Variants in FCHSD2 observed in about 807,000 individuals in gnomAD.
The protein encoded by FCHSD2 is F-BAR and double SH3 domains protein 2.
A neutral mutation model predicts 108.1 loss-of-function variants in FCHSD2; 38 were observed. The ratio of observed to expected loss-of-function variants is 0.35; its 90% CI spans 0.27 to 0.46. The LOEUF (loss-of-function observed/expected upper bound fraction) is 0.46. Ranked by LOEUF, FCHSD2 falls within the 20% of genes least tolerant of loss-of-function variation. The pLI is 1.00. For synonymous variants in FCHSD2, 279 were observed against 314.7 expected, an observed-to-expected ratio of 0.89 and a Z score of 1.20; for missense variants, 751 against 897.8, an observed-to-expected ratio of 0.84 and a Z score of 2.09.
In FCHSD2 at chr11:72,887,582, A is replaced by G; in HGVS notation, c.1042-8T>C. ...CTCCAGATCATTTAGAACCTATTAA[A>G]GAAAATGGGACAATAATGATGACTG... is the stretch of plus-strand genomic sequence containing the variant. On this transcript the variant is annotated splice_polypyrimidine_tract_variant and splice_region_variant and intron_variant, in intron 11 of 19. Coordinates refer to ENST00000409418, the MANE Select transcript of FCHSD2 (RefSeq NM_014824.3). The G allele has an allele frequency of 6.7e-7, 1 of 1,495,854 alleles. No homozygotes were observed. Among genetic ancestry groups the G allele is most frequent in the Non-Finnish European group, 9.0e-7 (1 of 1,111,130 alleles). 92.7% of individuals were successfully genotyped at this position (1,495,854 alleles called of 1,614,324 possible). A position where few individuals can be genotyped will look rare whatever the true frequency, so the allele number is the denominator to read the frequency against.
chr11:72,912,310 T>A (rs1026056489), intron 9 of FCHSD2, among the ~76,000 whole-genome samples: 1 of 152,224 alleles, frequency 6.6e-6, no homozygotes, highest in Non-Finnish European at 1.5e-5. Flanking sequence ...TGTATTGAGA[T>A]ATGTTCCCTC....
intron 6 of FCHSD2, among the ~76,000 whole-genome samples, chr11:72,986,334 C>T (rs1318918670): frequency 2.0e-5 from 3 of 152,074 alleles, no homozygotes; most frequent in Non-Finnish European, 2.9e-5. Context: ...CTCAGCCTCC[C>T]GAGTAGCTGG....
intron 3 of FCHSD2, among the ~76,000 whole-genome samples, chr11:73,071,535 C>CAAA (rs1038388058): frequency 1.5e-4 from 19 of 130,866 alleles, no homozygotes; most frequent in Admixed American, 3.1e-4. Flanking sequence ...ACTAAAAATA[C>CAAA]AAAAAAAAAA....
At chr11:73,114,235 C>T (rs1343315044) in intron 2 of FCHSD2, among the ~76,000 whole-genome samples, 1 of 152,056 alleles carries the variant, frequency 6.6e-6, no homozygotes. Flanking sequence ...ACAGAGGGTA[C>T]TGCAAGGCTA....
intron 2 of FCHSD2, among the ~76,000 whole-genome samples, chr11:73,094,459 C>T (rs930548427): frequency 6.6e-6 from 1 of 152,124 alleles, no homozygotes; most frequent in Admixed American, 6.5e-5. Context: ...AACACTTTTA[C>T]AAAAATATTT....
chr11:72,967,960 G>A (rs1354372592), intron 8 of FCHSD2, among the ~76,000 whole-genome samples: 4 of 151,780 alleles, frequency 2.6e-5, no homozygotes, highest in Non-Finnish European at 5.9e-5. Context: ...GTATGGTGGC[G>A]GGCACCTGTA....
intron 3 of FCHSD2, among the ~76,000 whole-genome samples, chr11:73,063,690 A>C (rs1859220739): frequency 6.6e-6 from 1 of 152,226 alleles, no homozygotes; most frequent in Non-Finnish European, 1.5e-5. Flanking sequence ...AAAGAGACAA[A>C]GAACGGTATT....
intron 9 of FCHSD2, among the ~76,000 whole-genome samples, chr11:72,909,691 C>T (rs889348509): frequency 4.7e-5 from 7 of 149,172 alleles, no homozygotes; most frequent in African/African-American, 1.5e-4. Context: ...CTGGCCGCCC[C>T]GTCTGGGATG....
chr11:73,091,991 T>A (rs1169505943), intron 2 of FCHSD2, among the ~76,000 whole-genome samples: 1 of 152,042 alleles, frequency 6.6e-6, no homozygotes. Flanking sequence ...GCTGAAATTG[T>A]GCCACTGCAC....
intron 3 of FCHSD2, among the ~76,000 whole-genome samples, chr11:73,074,408 C>T (rs1407558173): frequency 1.3e-5 from 2 of 152,120 alleles, no homozygotes; most frequent in Non-Finnish European, 2.9e-5. Context: ...TGAATATCCA[C>T]ATAGAAAATG....
intron 3 of FCHSD2, among the ~76,000 whole-genome samples, chr11:73,062,877 C>T (rs1859201127): frequency 6.6e-6 from 1 of 152,116 alleles, no homozygotes. Context: ...GCGTATTATC[C>T]AGGAGAACTT....
At chr11:72,894,372 C>G (rs902648956) in intron 10 of FCHSD2, among the ~76,000 whole-genome samples, 1 of 152,032 alleles carries the variant, frequency 6.6e-6, no homozygotes, top group Non-Finnish European at 1.5e-5. Flanking sequence ...TAGCTAGACC[C>G]CAGCTCTTAA....
intron 3 of FCHSD2, among the ~76,000 whole-genome samples, chr11:73,040,592 A>C (rs993564367): frequency 6.6e-6 from 1 of 152,180 alleles, no homozygotes; most frequent in Non-Finnish European, 1.5e-5. Context: ...TCGGTTTTAC[A>C]ATTTTTTGTT....
chr11:73,033,538 T>C (rs1858415981), intron 3 of FCHSD2, among the ~76,000 whole-genome samples: 2 of 152,126 alleles, frequency 1.3e-5, no homozygotes, highest in Admixed American at 6.6e-5. Context: ...ATGGAGGAAT[T>C]ATAGGGCGCT....
rs145694213 is a variant in FCHSD2, at chr11:72,953,155, C to G, written c.705+30933G>C. Among the ~76,000 whole-genome samples, 46 of 152,232 alleles carry G rather than the reference C, an allele frequency of 3.0e-4. No individual in the cohort carries two copies. The South Asian group carries it at 8.3e-3, about 27-fold the overall frequency. On this transcript the variant is annotated intron_variant, in intron 8 of 19. Transcript: ENST00000409418. Reference sequence around the variant, plus strand: ...CATGAGATGCCTAACAGTGCTGGATCAGAAAGAAAAGGTATAGTTAGAGAA... The same window carrying G: ...CATGAGATGCCTAACAGTGCTGGATGAGAAAGAAAAGGTATAGTTAGAGAA...
chr11:73,002,418 C>T (rs900374444), intron 4 of FCHSD2, among the ~76,000 whole-genome samples: 4 of 152,192 alleles, frequency 2.6e-5, no homozygotes, highest in African/African-American at 4.8e-5. Flanking sequence ...AGCAGCAAAA[C>T]GAATGCTCTC....
At chr11:72,846,103 C>T (rs946536548) in intron 14 of FCHSD2, among the ~76,000 whole-genome samples, 1 of 149,756 alleles carries the variant, frequency 6.7e-6, no homozygotes, top group African/African-American at 2.5e-5. Flanking sequence ...TAAGTAGTTA[C>T]GATTACTTTT....
chr11:73,073,885 T>TTAAG (rs1325405064), intron 3 of FCHSD2, among the ~76,000 whole-genome samples: 1 of 152,110 alleles, frequency 6.6e-6, no homozygotes, highest in Non-Finnish European at 1.5e-5. Flanking sequence ...AGAAGACTTG[T>TTAAG]TAAGATATCA....
intron 2 of FCHSD2, among the ~76,000 whole-genome samples, chr11:73,127,433 A>C (rs1404948360): frequency 6.6e-6 from 1 of 152,246 alleles, no homozygotes; most frequent in African/African-American, 2.4e-5. Flanking sequence ...AGTGGGACAA[A>C]GGACAGGGTT....
Sources: gnomAD v4.1 joint callset for allele counts (sites outside exome capture counted in the v4.1 genomes callset) on GRCh38, gnomAD v4.1.1 for gene constraint, MANE v1.5 for transcripts, NCBI Gene and HGNC (gene_info 2026-07-23, HGNC 2026-07-21) for gene names.